The following GRID1 variants were observed in gnomAD, a reference collection of about 807,000 sequenced individuals.
GRID1 encodes the protein glutamate ionotropic receptor delta type subunit 1, also known as glutamate receptor ionotropic, delta-1.
Under a neutral mutation model 98.0 loss-of-function variants are expected in GRID1, and 28 were observed. That is an observed-to-expected ratio of 0.29 (90% CI 0.21 to 0.39). GRID1 has a LOEUF of 0.39. Ranked by LOEUF, GRID1 falls within the 10% of genes least tolerant of loss-of-function variation. The pLI is 1.00. For synonymous variants in GRID1, 553 were observed against 538.5 expected (o/e 1.03, Z -0.37); for missense variants, 1,111 against 1,340.5 (o/e 0.83, Z 2.67).
chr10:85,896,878 G>A (rs1027940351), intron 5 of GRID1, among the ~76,000 whole-genome samples: 3 of 152,144 alleles, frequency 2.0e-5, no homozygotes, highest in African/African-American at 7.2e-5. Context: ...GTTGATTGCA[G>A]CATAATTTAC....
intron 6 of GRID1, among the ~76,000 whole-genome samples, chr10:85,862,741 A>C (rs1564612441): frequency 6.6e-6 from 1 of 152,240 alleles, no homozygotes; most frequent in East Asian, 1.9e-4. Flanking sequence ...ATTTTTTAAA[A>C]AGTTATTACC....
At chr10:85,918,522 T>C (rs1841652565) in intron 4 of GRID1, among the ~76,000 whole-genome samples, 1 of 152,200 alleles carries the variant, frequency 6.6e-6, no homozygotes, top group South Asian at 2.1e-4. Context: ...GTCACCCCAC[T>C]TGATGAAGGA....
chr10:85,738,841 G>A (rs1046405222), intron 8 of GRID1, among the ~76,000 whole-genome samples: 9 of 152,278 alleles, frequency 5.9e-5, no homozygotes, highest in African/African-American at 1.7e-4. Flanking sequence ...CTGGAGGTGG[G>A]GATGGGAGAA....
At position 85,862,984 on chromosome 10, in the gene GRID1, G is replaced by A. The variant is rs574806768; in HGVS notation, c.951+6026C>T. Among the ~76,000 whole-genome samples, 4 of 152,270 alleles carry A rather than the reference G, an allele frequency of 2.6e-5. No homozygotes were observed. The East Asian group carries it at 5.8e-4, about 22-fold the overall frequency. ...ACTGCACATTCCCCAGCGGGGAGGGGCTTCAAAGGCTGAATCCTGCTTGAG... is the reference window on the plus strand; with the variant it reads ...ACTGCACATTCCCCAGCGGGGAGGGACTTCAAAGGCTGAATCCTGCTTGAG... On this transcript the variant is annotated intron_variant, in intron 6 of 15. Transcript: ENST00000327946.
intron 13 of GRID1, among the ~76,000 whole-genome samples, chr10:85,627,044 C>T (rs1416732106): frequency 6.6e-6 from 1 of 152,166 alleles, no homozygotes. Flanking sequence ...AACCTAAATG[C>T]TCAATAATTG....
chr10:85,713,199 G>GA (rs949862804), intron 12 of GRID1, among the ~76,000 whole-genome samples: 3 of 150,934 alleles, frequency 2.0e-5, no homozygotes, highest in Non-Finnish European at 3.0e-5. Flanking sequence ...AAGTTTCAAA[G>GA]AAAAAAAATT....
chr10:86,078,304 G>T (rs146503579), intron 4 of GRID1, among the ~76,000 whole-genome samples: 5 of 152,374 alleles, frequency 3.3e-5, no homozygotes, highest in Non-Finnish European at 7.3e-5. Flanking sequence ...TTCTGCCTGG[G>T]CTTTTTGCCT....
chr10:85,762,027 A>G (rs540695822), intron 8 of GRID1, among the ~76,000 whole-genome samples: 1 of 152,250 alleles, frequency 6.6e-6, no homozygotes, highest in South Asian at 2.1e-4. Context: ...AAATATCTCA[A>G]ACATCTGCTG....
intron 8 of GRID1, among the ~76,000 whole-genome samples, chr10:85,832,813 C>A (rs551934575): frequency 1.3e-5 from 2 of 152,168 alleles, no homozygotes; most frequent in African/African-American, 4.8e-5. Flanking sequence ...ATTCTTCTCC[C>A]AGCCAGACCA....
At chr10:85,770,504 G>A (rs1008913335) in intron 8 of GRID1, among the ~76,000 whole-genome samples, 1 of 152,142 alleles carries the variant, frequency 6.6e-6, no homozygotes, top group Non-Finnish European at 1.5e-5. Context: ...AGAGAAGAAG[G>A]CTTCAGACGA....
chr10:85,677,533 T>TG (rs1841158555), intron 12 of GRID1, among the ~76,000 whole-genome samples: 1 of 152,216 alleles, frequency 6.6e-6, no homozygotes, highest in South Asian at 2.1e-4. Context: ...TCAACAGCGT[T>TG]GTGAAGAAGG....
Position 85,673,536 on chromosome 10 carries a change from C to T in GRID1, c.1998-26139G>A, listed in dbSNP as rs1410585183. On this transcript the variant is annotated intron_variant, in intron 12 of 15. Transcript: ENST00000327946. ...GCCACTCCTACCTTTAGCAATACCA[C>T]TCTGATCAGTCAGGAGACATCAACT... Among the ~76,000 whole-genome samples the T allele has an allele frequency of 3.3e-5, 5 of 152,206 alleles. No homozygotes were observed. In the East Asian group the frequency reaches 7.7e-4, roughly 23 times the overall value.
At chr10:85,953,847 T>C (rs7094476) in intron 4 of GRID1, among the ~76,000 whole-genome samples, 30,846 of 152,158 alleles carry the variant, frequency 0.2, 3,844 homozygotes, top group African/African-American at 0.33. Flanking sequence ...TCTTCTTCTC[T>C]GCCCTGAGTT....
intron 4 of GRID1, among the ~76,000 whole-genome samples, chr10:85,923,860 G>T (rs1222410142): frequency 3.3e-5 from 5 of 152,168 alleles, no homozygotes; most frequent in African/African-American, 1.2e-4. Context: ...GGATAGTGGG[G>T]GCCTGGAGAG....
At chr10:85,811,750 G>GAAAGAGAGAA (rs1842673899) in intron 8 of GRID1, among the ~76,000 whole-genome samples, 1 of 152,152 alleles carries the variant, frequency 6.6e-6, no homozygotes, top group Non-Finnish European at 1.5e-5. Context: ...CAATCAGAAG[G>GAAAGAGAGAA]TGAAGAGAAG....
intron 2 of GRID1, among the ~76,000 whole-genome samples, chr10:86,227,062 C>T (rs116207152): frequency 0.014 from 2,091 of 152,338 alleles, 56 homozygotes; most frequent in African/African-American, 0.048. Context: ...AAGGGGAAGC[C>T]TCCAAAGCCA....
chr10:85,738,199 A>G (rs1841906024), intron 8 of GRID1, among the ~76,000 whole-genome samples: 1 of 152,200 alleles, frequency 6.6e-6, no homozygotes, highest in Admixed American at 6.6e-5. Context: ...GAAAACTTAC[A>G]AACAACTCAT....
intron 12 of GRID1, among the ~76,000 whole-genome samples, chr10:85,702,500 A>G (rs11201737): frequency 0.068 from 10,398 of 152,144 alleles, 743 homozygotes; most frequent in African/African-American, 0.18. Context: ...TGGGATATAA[A>G]TAATAAGGAA....
At chr10:86,268,689 T>C in intron 2 of GRID1, among the ~76,000 whole-genome samples, 1 of 152,174 alleles carries the variant, frequency 6.6e-6, no homozygotes. Flanking sequence ...GTGAAGCATG[T>C]TAGAAAGATT....
Sources: allele counts gnomAD v4.1 joint callset (sites outside exome capture counted in the v4.1 genomes callset), GRCh38; gene constraint gnomAD v4.1.1; transcripts MANE v1.5; gene names NCBI Gene and HGNC (gene_info 2026-07-23, HGNC 2026-07-21).